Variants in DNAH17 observed in about 807,000 individuals in gnomAD.
The protein encoded by DNAH17 is dynein axonemal heavy chain 17, also known as axonemal beta dynein heavy chain 17.
A neutral mutation model predicts 485.6 loss-of-function variants in DNAH17; 376 were observed. The ratio of observed to expected loss-of-function variants is 0.77; its 90% CI spans 0.71 to 0.84. DNAH17 has a LOEUF of 0.84. Ranked by LOEUF, DNAH17 falls within the 40% of genes least tolerant of loss-of-function variation. The probability of loss-of-function intolerance (pLI) is 0.00; values close to 1 mark genes in which losing one functional copy is unlikely to be tolerated. For synonymous variants in DNAH17, 3,031 were observed against 2,405.9 expected (o/e 1.26, Z -7.60); for missense variants, 6,370 against 5,839.3 (o/e 1.09, Z -2.96).
chr17:78,554,741 A>G (rs1368130289), intron 14 of DNAH17, among the ~76,000 whole-genome samples: 1 of 152,028 alleles, frequency 6.6e-6, no homozygotes, highest in Non-Finnish European at 1.5e-5. Flanking sequence ...AATTCTTTAC[A>G]TACATTTTGG....
intron 48 of DNAH17, among the ~76,000 whole-genome samples, chr17:78,483,714 A>G (rs1320734432): frequency 6.6e-6 from 1 of 152,042 alleles, no homozygotes; most frequent in Non-Finnish European, 1.5e-5. Context: ...CTAACCCCCC[A>G]TGCCTGCCTT....
At chr17:78,514,517 A>AG (rs748294908) in intron 26 of DNAH17, among the ~76,000 whole-genome samples, 6,216 of 149,378 alleles carry the variant, frequency 0.042, 261 homozygotes, top group South Asian at 0.17. Context: ...AAAAAAAAAA[A>AG]AAAAAGAAAA....
At chr17:78,494,221 T>C in intron 40 of DNAH17, 48 bp from the exon 41 acceptor site, 1 of 1,578,482 alleles carries the variant, frequency 6.3e-7, no homozygotes, top group Non-Finnish European at 8.6e-7. Flanking sequence ...GCAGCTTTTC[T>C]TTCTTCTCGC....
chr17:78,508,566 G>A, intron 27 of DNAH17, among the ~76,000 whole-genome samples: 1 of 151,994 alleles, frequency 6.6e-6, no homozygotes. Context: ...AGACCCAGCT[G>A]GAAAAAACCC....
intron 49 of DNAH17, among the ~76,000 whole-genome samples, chr17:78,480,418 A>C (rs533683713): frequency 2.0e-5 from 3 of 152,290 alleles, no homozygotes; most frequent in African/African-American, 4.8e-5. Flanking sequence ...CTTAGACTAA[A>C]AACATATTTA....
At chr17:78,450,073 G>A (rs373912475) in intron 68 of DNAH17, 181 bp downstream of exon 68, 7 of 662,358 alleles carry the variant, frequency 1.1e-5, no homozygotes, top group South Asian at 5.7e-5. Flanking sequence ...GAGAATGGGT[G>A]TAGGACTGAT....
At chr17:78,517,956 G>C (rs2090833242) in intron 25 of DNAH17, among the ~76,000 whole-genome samples, 1 of 152,200 alleles carries the variant, frequency 6.6e-6, no homozygotes. Flanking sequence ...ACACACAAAA[G>C]TGACAAAATG....
At chr17:78,427,301 G>A (rs151087698) in intron 77 of DNAH17, among the ~76,000 whole-genome samples, 193 bp from the exon 78 acceptor site, 286 of 152,332 alleles carry the variant, frequency 1.9e-3, no homozygotes, top group African/African-American at 6.5e-3. Context: ...CTTGGCCAGC[G>A]GCTCCGAGCA....
intron 71 of DNAH17, among the ~76,000 whole-genome samples, chr17:78,441,568 GAAAAA>G (rs888309472): frequency 6.6e-6 from 1 of 152,052 alleles, no homozygotes; most frequent in Admixed American, 6.6e-5. Flanking sequence ...AAAAGTCAAA[GAAAAA>G]AGCAACTTCA....
rs150505318 is a variant in DNAH17 at position 78,466,928 on chromosome 17, C to T, written c.8779-112G>A. On this transcript the variant is annotated intron_variant, in intron 55 of 80. Transcript: ENST00000389840. ...AGCAACGCGCCCTGCCGGGCTCAGCCGCCCAGGGCCTGGGCAGCACAGTCC... is the reference window on the plus strand; with the variant it reads ...AGCAACGCGCCCTGCCGGGCTCAGCTGCCCAGGGCCTGGGCAGCACAGTCC... 526 of 1,185,410 alleles carry T rather than the reference C, an allele frequency of 4.4e-4. 2 individuals are homozygous for T. The African/African-American group carries it at 7.1e-3, about 16-fold the overall frequency. The allele number at this position is 1,185,410 out of a possible 1,614,324, so 73.4% of individuals were successfully genotyped here. A position where few individuals can be genotyped will look rare whatever the true frequency, so the allele number is the denominator to read the frequency against.
At chr17:78,504,727 G>A (rs750539307) in intron 31 of DNAH17, among the ~76,000 whole-genome samples, 1 of 152,138 alleles carries the variant, frequency 6.6e-6, no homozygotes, top group South Asian at 2.1e-4. Flanking sequence ...GCCGGGGGAC[G>A]CGCTTGCTGG....
chr17:78,460,880 CTCAT>C (rs2088086153), intron 58 of DNAH17, among the ~76,000 whole-genome samples: 1 of 152,142 alleles, frequency 6.6e-6, no homozygotes, highest in Non-Finnish European at 1.5e-5. Context: ...CATGTACATA[CTCAT>C]TCATTCACTC....
At chr17:78,542,884 G>C (rs1162692567) in intron 17 of DNAH17, among the ~76,000 whole-genome samples, 5 of 152,208 alleles carry the variant, frequency 3.3e-5, no homozygotes, top group African/African-American at 1.2e-4. Context: ...GGAAATCCAC[G>C]GGGGATACCG....
rs576707861 is a variant in DNAH17, at chr17:78,453,816, T to C, written c.10407-351A>G. ...GATCCTCCCATCGCAGCCTCCTGAG[T>C]AGCTGGGACTACAGGCTCATGCCAC... On this transcript the variant is annotated intron_variant, in intron 64 of 80. Coordinates refer to ENST00000389840, the MANE Select transcript of DNAH17 (RefSeq NM_173628.4). Among the ~76,000 whole-genome samples, 342 of 152,230 alleles carry C rather than the reference T, an allele frequency of 2.2e-3. 2 individuals are homozygous for C. The highest frequency in any genetic ancestry group is 7.8e-3 in the African/African-American group (322 of 41,524).
intron 66 of DNAH17, 83 bp downstream of exon 66, chr17:78,451,386 C>G: frequency 7.4e-7 from 1 of 1,345,432 alleles, no homozygotes; most frequent in Non-Finnish European, 1.0e-6. Flanking sequence ...ACTGGCAGCC[C>G]TGGTCGGGGA....
At chr17:78,484,744 C>CCGGCCG in intron 48 of DNAH17, 124 bp downstream of exon 48, 1 of 428,268 alleles carries the variant, frequency 2.3e-6, no homozygotes, top group Non-Finnish European at 3.7e-6. Context: ...GCAGCACCCC[C>CCGGCCG]CCCACCGCCC....
intron 51 of DNAH17, 101 bp downstream of exon 51, chr17:78,478,921 CCAT>C (rs1485941141): frequency 3.4e-6 from 3 of 871,972 alleles, no homozygotes; most frequent in Admixed American, 2.5e-5. Flanking sequence ...ACCATCACCA[CCAT>C]CATCAGTCCA....
chr17:78,535,788 T>A (rs536015782), intron 19 of DNAH17, among the ~76,000 whole-genome samples: 4 of 152,338 alleles, frequency 2.6e-5, no homozygotes, highest in Admixed American at 2.6e-4. Flanking sequence ...ACTTGATAAA[T>A]GTCTAATAAC....
rs2088048593 is a variant in DNAH17 at position 78,460,354 on chromosome 17, G to GCATGTGTGTC, written c.9340-98_9340-97insGACACACATG. ...TGTGTGCATGTGTGTGCATGTGTGT[G>GCATGTGTGTC]CATGTATGCACGTGCATGAGTGTAT... is the stretch of plus-strand genomic sequence containing the variant. On this transcript the variant is annotated intron_variant, in intron 58 of 80. Transcript: ENST00000389840. The GCATGTGTGTC allele has an allele frequency of 3.0e-6, 3 of 1,009,506 alleles. No homozygotes were observed. In the Admixed American group the frequency reaches 6.5e-5, roughly 22 times the overall value. The allele number at this position is 1,009,506 out of a possible 1,614,324, so 62.5% of individuals were successfully genotyped here.
Sources: allele counts gnomAD v4.1 joint callset (sites outside exome capture counted in the v4.1 genomes callset), GRCh38; gene constraint gnomAD v4.1.1; transcripts MANE v1.5; gene names NCBI Gene and HGNC (gene_info 2026-07-23, HGNC 2026-07-21).